KLKB1: variants seen among roughly 807,000 people sequenced by gnomAD.
KLKB1 encodes plasma kallikrein.
KLKB1 carries 58 observed loss-of-function variants against 73.6 expected under a neutral mutation model. The ratio of observed to expected loss-of-function variants is 0.79; its 90% CI spans 0.64 to 0.98. The LOEUF (loss-of-function observed/expected upper bound fraction) is 0.98. Among genes scored for constraint, KLKB1 ranks in the 50% least tolerant of loss-of-function variants. KLKB1 has a pLI of 0.00. For synonymous variants in KLKB1, 280 were observed against 258.1 expected, an observed-to-expected ratio of 1.08 and a Z score of -0.81; for missense variants, 737 against 763.8, an observed-to-expected ratio of 0.96 and a Z score of 0.41.
At chr4:186,245,808 T>G (rs1160919409) in intron 6 of KLKB1, among the ~76,000 whole-genome samples, 5 of 89,522 alleles carry the variant, frequency 5.6e-5, no homozygotes, top group African/African-American at 1.7e-4. Context: ...TGGAGTTTTT[T>G]TTTGTTTGTT....
chr4:186,220,295 C>T (rs969125729), intron 2 of KLKB1, among the ~76,000 whole-genome samples: 10 of 152,130 alleles, frequency 6.6e-5, no homozygotes, highest in Admixed American at 2.6e-4. Flanking sequence ...TTTGCCCCAG[C>T]CCTGCAAAGT....
At chr4:186,232,360 A>G (rs1337104968) in intron 3 of KLKB1, 71 bp downstream of exon 3, 8 of 1,384,652 alleles carry the variant, frequency 5.8e-6, no homozygotes, top group Non-Finnish European at 7.2e-6. Flanking sequence ...AGAAAGGTGT[A>G]GTATAACTGA....
chr4:186,239,580 CAT>C (rs1737902393), intron 6 of KLKB1, among the ~76,000 whole-genome samples: 1 of 125,554 alleles, frequency 8.0e-6, no homozygotes, highest in South Asian at 2.9e-4. Context: ...GGTACAGTGA[CAT>C]AGGACAGTGA....
At position 186,211,033 on chromosome 4, in the gene KLKB1, G is replaced by A. The variant is rs185369023; in HGVS notation, c.201+1761G>A. On this transcript the variant is annotated intron_variant, in intron 2 of 14. Transcript: ENST00000511608. ...TTTGTATTTTTAGTAGAAACAGGGTGTCACCATGTTGGCCAGACTGGTCTC... is the reference window on the plus strand; with the variant it reads ...TTTGTATTTTTAGTAGAAACAGGGTATCACCATGTTGGCCAGACTGGTCTC... 505 of 217,728 alleles carry A rather than the reference G, an allele frequency of 2.3e-3. 1 individual carries two copies. Among genetic ancestry groups the A allele is most frequent in the Non-Finnish European group, 3.4e-3 (370 of 109,536 alleles). The allele number at this position is 217,728 out of a possible 1,614,324, so 13.5% of individuals were successfully genotyped here.
At chr4:186,222,947 T>C (rs1324223704), upstream of KLKB1, among the ~76,000 whole-genome samples, 1 of 152,204 alleles carries the variant, frequency 6.6e-6, no homozygotes, top group Non-Finnish European at 1.5e-5. Context: ...AGGGACCTGT[T>C]GGGAGATGAT....
chr4:186,250,521 C>T (rs1738615565), intron 7 of KLKB1, 119 bp downstream of exon 7: 1 of 1,143,064 alleles, frequency 8.7e-7, no homozygotes, highest in Non-Finnish European at 1.3e-6. Context: ...TCCCTCAAAA[C>T]ACTTGAACCT....
chr4:186,242,446 G>C (rs1260180338), intron 6 of KLKB1, among the ~76,000 whole-genome samples: 1 of 152,064 alleles, frequency 6.6e-6, no homozygotes, highest in Non-Finnish European at 1.5e-5. Flanking sequence ...TGCTTCGAGC[G>C]GGATTAGGGG....
Position 186,251,276 on chromosome 4 carries a change from A to G in KLKB1, c.816A>G (p.Gln272=). 2.5e-6 allele frequency: 4 copies of G among 1,612,484 alleles called. No homozygotes were observed. In the East Asian group the frequency reaches 8.9e-5, roughly 36 times the overall value. Residue 272 remains glutamine, a synonymous_variant, in exon 8 of 15, where the codon CAA becomes CAG. Transcript: ENST00000264690. ...ESGTPSSSTP[Q]ENTISGYSLL... ...GCACACCAAGTTCCTCTACTCCTCA[A>G]GAAAACACCATATCTGGATATAGCC...
At chr4:186,254,804 T>C in intron 12 of KLKB1, 41 bp downstream of exon 12, 1 of 1,531,846 alleles carries the variant, frequency 6.5e-7, no homozygotes, top group Non-Finnish European at 9.0e-7. Flanking sequence ...AGAATTGCGC[T>C]GGTTGATATT....
At chr4:186,222,298 G>A (rs1049485019), upstream of KLKB1, among the ~76,000 whole-genome samples, 4 of 152,080 alleles carry the variant, frequency 2.6e-5, no homozygotes, top group African/African-American at 9.7e-5. Context: ...CTATCATGTT[G>A]TTAATTGTTT....
intron 6 of KLKB1, among the ~76,000 whole-genome samples, chr4:186,240,347 G>A (rs35984397): frequency 0.56 from 84,699 of 151,568 alleles, 24,027 homozygotes; most frequent in East Asian, 0.68. Context: ...GTACAGTGAC[G>A]TTGTAATAGT....
chr4:186,223,416 T>G (rs1019199923), upstream of KLKB1, among the ~76,000 whole-genome samples: 9 of 152,210 alleles, frequency 5.9e-5, no homozygotes, highest in African/African-American at 2.2e-4. Context: ...ACCAAAATGC[T>G]GATAGTCGTA....
At chr4:186,248,300 C>T (rs1449889990) in intron 6 of KLKB1, among the ~76,000 whole-genome samples, 2 of 151,916 alleles carry the variant, frequency 1.3e-5, no homozygotes, top group African/African-American at 2.4e-5. Flanking sequence ...CTGTCTTTCT[C>T]CTTTCCCATT....
At chr4:186,221,796 G>A (rs536054041), upstream of KLKB1, among the ~76,000 whole-genome samples, 20 of 152,292 alleles carry the variant, frequency 1.3e-4, no homozygotes, top group East Asian at 7.7e-4. Flanking sequence ...GCACATGTCC[G>A]TTAGGTCTAT....
intron 3 of KLKB1, 26 bp from the exon 4 acceptor site, chr4:186,233,926 C>A (rs1737530527): frequency 1.3e-6 from 2 of 1,493,578 alleles, no homozygotes; most frequent in Admixed American, 1.7e-5. Context: ...TATTCTACTT[C>A]CTAAGTAAAG....
In KLKB1 at chr4:186,232,227, C is replaced by T; in HGVS notation, c.159C>T (p.Phe53=). 6.2e-7 allele frequency: 1 copy of T among 1,613,992 alleles called. No individual in the cohort carries two copies. Among genetic ancestry groups the T allele is most frequent in the Non-Finnish European group, 8.5e-7 (1 of 1,179,890 alleles). The part of the protein sequence containing the change: ...NAQYCQMRCT[F]HPRCLLFSFL... Reference sequence around the variant, plus strand: ...AATACTGCCAGATGAGGTGCACATTCCACCCAAGGTGTTTGCTATTCAGTT... The same window carrying T: ...AATACTGCCAGATGAGGTGCACATTTCACCCAAGGTGTTTGCTATTCAGTT... The change falls in exon 3 of 15, where the codon TTC becomes TTT. Residue 53 remains phenylalanine, a synonymous_variant. Transcript: ENST00000264690.
chr4:186,241,206 G>A (rs572733784), intron 6 of KLKB1, among the ~76,000 whole-genome samples: 3 of 152,216 alleles, frequency 2.0e-5, no homozygotes, highest in Admixed American at 2.0e-4. Flanking sequence ...TGGCCTAACT[G>A]CCCAAATGAG....
intron 6 of KLKB1, among the ~76,000 whole-genome samples, chr4:186,240,423 C>T (rs940098569): frequency 2.0e-5 from 3 of 152,048 alleles, no homozygotes; most frequent in African/African-American, 4.8e-5. Flanking sequence ...TAAGGTCATT[C>T]CTTGGTTGTG....
Position 186,255,902 on chromosome 4 carries a change from A to T in KLKB1, c.1490-90A>T, listed in dbSNP as rs1025664150. 3 of 861,078 alleles carry T rather than the reference A, an allele frequency of 3.5e-6. No homozygotes were observed. The African/African-American group carries it at 5.1e-5, about 15-fold the overall frequency. 53.3% of individuals were successfully genotyped at this position (861,078 alleles called of 1,614,324 possible). ...TTATTCTTGATGCTACTCTATAGAA[A>T]GAGAAGACAGAAAAAGAGAAAGATG... On this transcript the variant is annotated intron_variant, in intron 12 of 14. Coordinates refer to ENST00000264690, the MANE Select transcript of KLKB1 (RefSeq NM_000892.5).
Sources: allele counts gnomAD v4.1 joint callset (sites outside exome capture counted in the v4.1 genomes callset), GRCh38; gene constraint gnomAD v4.1.1; transcripts MANE v1.5; gene names NCBI Gene and HGNC (gene_info 2026-07-23, HGNC 2026-07-21).